The following POM121C variants were observed in gnomAD, a reference collection of about 807,000 sequenced individuals.
POM121C encodes POM121 transmembrane nucleoporin C.
POM121C carries 20 observed loss-of-function variants against 66.4 expected under a neutral mutation model. The ratio of observed to expected loss-of-function variants is 0.30; its 90% CI spans 0.21 to 0.44. The LOEUF (loss-of-function observed/expected upper bound fraction) is 0.44, where lower values mean the gene tolerates loss of function less well. POM121C is among the 20% of genes least tolerant of loss of function. The pLI is 1.00. For synonymous variants in POM121C, 286 were observed against 528.0 expected, an observed-to-expected ratio of 0.54 and a Z score of 6.28; for missense variants, 580 against 1,225.7, an observed-to-expected ratio of 0.47 and a Z score of 7.87.
Position 75,416,868 on chromosome 7 carries a change from C to T in POM121C, c.*1928G>A, listed in dbSNP as rs1789484421. 6.9e-7 allele frequency: 1 copy of T among 1,442,444 alleles called. No homozygotes were observed. The highest frequency in any genetic ancestry group is 2.8e-5 in the Admixed American group (1 of 35,462). The allele number at this position is 1,442,444 out of a possible 1,614,324, so 89.4% of individuals were successfully genotyped here. On this transcript the variant is annotated 3_prime_UTR_variant, in exon 15 of 15. Transcript: ENST00000615331. ...TCATACTAAAAATTCCAACTAGACTCAACAGGAATGAAGTCTCTATTTGTA... is the reference window on the plus strand; with the variant it reads ...TCATACTAAAAATTCCAACTAGACTTAACAGGAATGAAGTCTCTATTTGTA...
At chr7:75,447,806 G>C (rs374763014) in intron 3 of POM121C, among the ~76,000 whole-genome samples, 15 of 151,790 alleles carry the variant, frequency 9.9e-5, no homozygotes, top group Non-Finnish European at 2.1e-4. Context: ...GGCGGATCAC[G>C]AGGTCAGGAG....
Position 75,477,049 on chromosome 7 carries a change from GTATGA to G in POM121C, c.-457-1866_-457-1862del, listed in dbSNP as rs587652455. ...ATTACACCCTAATATGCCATAGTAC[GTATGA>G]TATGTGACATATGTATTTCAATTAC... On this transcript the variant is annotated intron_variant, in intron 1 of 14. Transcript: ENST00000615331. Among the ~76,000 whole-genome samples, 325 of 150,632 alleles carry G rather than the reference GTATGA, an allele frequency of 2.2e-3. 1 individual carries two copies. The highest frequency in any genetic ancestry group is 7.5e-3 in the African/African-American group (309 of 41,020).
chr7:75,424,915 G>A (rs1554471508), intron 10 of POM121C, 159 bp downstream of exon 10: 12 of 1,454,720 alleles, frequency 8.2e-6, no homozygotes, highest in East Asian at 5.0e-5. Context: ...AGCCAAAATC[G>A]AGCCACTGAA....
chr7:75,431,724 G>A (rs34052929), intron 7 of POM121C, among the ~76,000 whole-genome samples: 26,704 of 151,834 alleles, frequency 0.18, 2,685 homozygotes, highest in Middle Eastern at 0.29. Flanking sequence ...GCTAAAGTGG[G>A]CAGGTTACTT....
At chr7:75,429,370 G>C (rs1206318753) in intron 7 of POM121C, among the ~76,000 whole-genome samples, 2 of 152,244 alleles carry the variant, frequency 1.3e-5, no homozygotes, top group South Asian at 4.1e-4. Flanking sequence ...TGTGGCTCAT[G>C]CCTATAATCC....
intron 3 of POM121C, among the ~76,000 whole-genome samples, chr7:75,473,669 T>A (rs376798171): frequency 2.0e-3 from 297 of 152,180 alleles, no homozygotes; most frequent in South Asian, 0.014. Flanking sequence ...CCAAGGTTTT[T>A]TTTTGTTTGT....
At chr7:75,433,966 G>A (rs1175656709) in intron 7 of POM121C, among the ~76,000 whole-genome samples, 3 of 152,204 alleles carry the variant, frequency 2.0e-5, no homozygotes, top group East Asian at 1.9e-4. Context: ...CAAAGGGTGC[G>A]TGTATCTCTT....
At chr7:75,442,217 G>T (rs1790678828) in intron 3 of POM121C, 1 of 1,384,962 alleles carries the variant, frequency 7.2e-7, no homozygotes, top group Non-Finnish European at 9.2e-7. Context: ...AACGCGATGG[G>T]TCGGCTGGGA....
chr7:75,442,613 A>G (rs1790697485), intron 3 of POM121C: 3 of 1,490,092 alleles, frequency 2.0e-6, no homozygotes, highest in African/African-American at 2.9e-5. Flanking sequence ...CAGGCCGAGA[A>G]GCGCCGCCCC....
At position 75,463,421 on chromosome 7, in the gene POM121C, C is replaced by T. The variant is rs587623201; in HGVS notation, c.-152+11283G>A. Among the ~76,000 whole-genome samples, 120 of 151,226 alleles carry T rather than the reference C, an allele frequency of 7.9e-4. 2 individuals are homozygous for T. Among genetic ancestry groups the T allele is most frequent in the African/African-American group, 2.8e-3 (114 of 41,110 alleles). On this transcript the variant is annotated intron_variant, in intron 3 of 14. Transcript: ENST00000615331. ...TCCAGTGCCCCAGCACAGTGGCAAT[C>T]CACAAAGATGGAAAGAGCTGGGTTT... is the stretch of plus-strand genomic sequence containing the variant.
At chr7:75,482,814 A>G (rs1339527729) in intron 1 of POM121C, among the ~76,000 whole-genome samples, 1 of 152,200 alleles carries the variant, frequency 6.6e-6, no homozygotes, top group African/African-American at 2.4e-5. Flanking sequence ...TCAGTTTGGA[A>G]GTAACGGATG....
intron 3 of POM121C, among the ~76,000 whole-genome samples, chr7:75,458,892 T>C (rs1337153671): frequency 2.0e-5 from 3 of 152,176 alleles, no homozygotes; most frequent in Non-Finnish European, 4.4e-5. Flanking sequence ...AATTATTGCA[T>C]AGGGATTTTA....
At chr7:75,482,641 G>C (rs1470064922) in intron 1 of POM121C, among the ~76,000 whole-genome samples, 1 of 152,052 alleles carries the variant, frequency 6.6e-6, no homozygotes, top group Non-Finnish European at 1.5e-5. Context: ...AGTGAGTTGT[G>C]ATCACGTCTC....
chr7:75,436,483 G>T (rs1790416070), intron 7 of POM121C, among the ~76,000 whole-genome samples: 1 of 152,096 alleles, frequency 6.6e-6, no homozygotes, highest in Non-Finnish European at 1.5e-5. Context: ...ATAATATTAA[G>T]GTTAATAATT....
intron 3 of POM121C, among the ~76,000 whole-genome samples, chr7:75,454,177 G>T (rs1202739019): frequency 6.6e-6 from 1 of 152,160 alleles, no homozygotes; most frequent in Non-Finnish European, 1.5e-5. Flanking sequence ...GAGTGTGTGG[G>T]ATGGGAGATA....
intron 12 of POM121C, among the ~76,000 whole-genome samples, chr7:75,423,608 G>C (rs587636589): frequency 6.6e-6 from 1 of 151,682 alleles, no homozygotes; most frequent in Non-Finnish European, 1.5e-5. Context: ...CCAGGTTACC[G>C]TCTGATAAAG....
chr7:75,442,234 T>TGTGGA (rs1790679751), intron 3 of POM121C: 4 of 1,333,220 alleles, frequency 3.0e-6, no homozygotes, highest in Admixed American at 8.1e-5. Flanking sequence ...GGGAGGGCGG[T>TGTGGA]GTGGAGCGCG....
At position 75,455,825 on chromosome 7, in the gene POM121C, T is replaced by C. The variant is rs1791191603; in HGVS notation, c.-151-14178A>G. On this transcript the variant is annotated intron_variant, in intron 3 of 14. Coordinates refer to ENST00000615331, the MANE Select transcript of POM121C (RefSeq NM_001099415.3). Reference sequence around the variant, plus strand: ...TGCTGTGTGTCTATTTCTCCCACTCTGGCCTGTGGGCTCTTTGAAGACATG... The same window carrying C: ...TGCTGTGTGTCTATTTCTCCCACTCCGGCCTGTGGGCTCTTTGAAGACATG... 2.6e-5 allele frequency among the ~76,000 whole-genome samples: 4 copies of C among 152,346 alleles called. No homozygotes were observed. In the South Asian group the frequency reaches 8.3e-4, roughly 32 times the overall value.
At chr7:75,474,254 CTTGGT>C (rs1791989498) in intron 3 of POM121C, among the ~76,000 whole-genome samples, 1 of 152,032 alleles carries the variant, frequency 6.6e-6, no homozygotes, top group Non-Finnish European at 1.5e-5. Flanking sequence ...ATTAGCCAGG[CTTGGT>C]GGCATGTGCC....
Sources: gnomAD v4.1 joint callset for allele counts (sites outside exome capture counted in the v4.1 genomes callset) on GRCh38, gnomAD v4.1.1 for gene constraint, MANE v1.5 for transcripts, NCBI Gene and HGNC (gene_info 2026-07-23, HGNC 2026-07-21) for gene names.